Variants in BCL2L11 observed in about 807,000 individuals in gnomAD.
BCL2L11 encodes the protein bcl-2-like protein 11.
BCL2L11 carries 15 observed loss-of-function variants against 20.6 expected under a neutral mutation model. That is an observed-to-expected ratio of 0.73 (90% confidence interval 0.49 to 1.12). BCL2L11 has a LOEUF of 1.12. Among genes scored for constraint, BCL2L11 ranks in the 50% most tolerant of loss-of-function variants. BCL2L11 has a pLI of 0.00. For synonymous variants in BCL2L11, 108 were observed against 92.8 expected (o/e 1.16, Z -0.94); for missense variants, 292 against 260.9 (o/e 1.12, Z -0.82).
chr2:111,163,861 C>CTTTTTTTTTTTTTT (rs10547953), intron 3 of BCL2L11, among the ~76,000 whole-genome samples: 1 of 104,720 alleles, frequency 9.5e-6, no homozygotes, highest in East Asian at 2.9e-4. Context: ...TTTTTGAGTG[C>CTTTTTTTTTTTTTT]TTTTTTTTTT....
At chr2:111,158,122 GGTT>G (rs1212122865) in intron 3 of BCL2L11, among the ~76,000 whole-genome samples, 2 of 152,236 alleles carry the variant, frequency 1.3e-5, no homozygotes, top group Non-Finnish European at 2.9e-5. Context: ...GTTTGACTGT[GGTT>G]GTTGGTCTGA....
intron 2 of BCL2L11, among the ~76,000 whole-genome samples, chr2:111,146,866 G>A (rs2076585084): frequency 6.6e-6 from 1 of 152,028 alleles, no homozygotes; most frequent in Non-Finnish European, 1.5e-5. Flanking sequence ...AGTCTTTATA[G>A]CCATGTACTA....
intron 2 of BCL2L11, among the ~76,000 whole-genome samples, chr2:111,124,600 T>G (rs1216087605): frequency 3.3e-5 from 5 of 152,172 alleles, no homozygotes. Context: ...CACATCAACA[T>G]TTTTACAAAG....
At chr2:111,143,213 T>C (rs1575078757) in intron 2 of BCL2L11, among the ~76,000 whole-genome samples, 1 of 152,142 alleles carries the variant, frequency 6.6e-6, no homozygotes, top group South Asian at 2.1e-4. Flanking sequence ...AGGATGAAGG[T>C]TGGTGTAGAA....
intron 2 of BCL2L11, among the ~76,000 whole-genome samples, chr2:111,133,506 T>C (rs1440269745): frequency 6.6e-6 from 1 of 152,226 alleles, no homozygotes; most frequent in Admixed American, 6.5e-5. Context: ...TTTAGAAGTG[T>C]GTTTTATTTC....
intron 3 of BCL2L11, chr2:111,161,527 T>C: frequency 6.5e-7 from 1 of 1,548,590 alleles, no homozygotes; most frequent in Non-Finnish European, 8.7e-7. Flanking sequence ...GGTCAAGGCA[T>C]GGCTGCTGAT....
intron 3 of BCL2L11, among the ~76,000 whole-genome samples, chr2:111,154,256 T>G (rs74757380): frequency 0.018 from 2,710 of 151,970 alleles, 102 homozygotes; most frequent in African/African-American, 0.062. Context: ...GTAACCACAG[T>G]GTAATTATCA....
intron 2 of BCL2L11, among the ~76,000 whole-genome samples, chr2:111,137,933 A>G (rs1035003485): frequency 6.6e-6 from 1 of 151,728 alleles, no homozygotes; most frequent in Non-Finnish European, 1.5e-5. Flanking sequence ...ATAAGAATAC[A>G]TTAAACTGTC....
At chr2:111,147,619 T>C (rs1368731533) in intron 2 of BCL2L11, among the ~76,000 whole-genome samples, 1 of 152,158 alleles carries the variant, frequency 6.6e-6, no homozygotes, top group African/African-American at 2.4e-5. Context: ...ATTCACTAAG[T>C]GCTAGTTTTG....
rs544895163 is a variant in BCL2L11, at chr2:111,122,884, C to A, written c.-13-849C>A. ...CGGGCCGGACGCCGCGGGGCTTGGT[C>A]CCTGGCCCGGACGCTGCGCTCTGAA... is the stretch of plus-strand genomic sequence containing the variant. On this transcript the variant is annotated intron_variant, in intron 1 of 3. Transcript: ENST00000393256. 224 of 985,440 alleles carry A rather than the reference C, an allele frequency of 2.3e-4. No homozygotes were observed. In the African/African-American group the frequency reaches 3.2e-3, roughly 14 times the overall value. The allele number at this position is 985,440 out of a possible 1,614,324, so 61.0% of individuals were successfully genotyped here.
intron 3 of BCL2L11, chr2:111,161,318 A>G: frequency 7.2e-7 from 1 of 1,384,934 alleles, no homozygotes; most frequent in Non-Finnish European, 1.0e-6. Flanking sequence ...ATTTATTTTA[A>G]TAGTTTTTTA....
intron 2 of BCL2L11, among the ~76,000 whole-genome samples, chr2:111,138,245 G>A (rs968279241): frequency 6.6e-6 from 1 of 152,238 alleles, no homozygotes; most frequent in Non-Finnish European, 1.5e-5. Context: ...CTGACCTGAA[G>A]TGATCCGCCT....
intron 2 of BCL2L11, among the ~76,000 whole-genome samples, chr2:111,135,354 C>G (rs1361001172): frequency 6.6e-6 from 1 of 152,128 alleles, no homozygotes; most frequent in African/African-American, 2.4e-5. Flanking sequence ...ACTTTCCAAA[C>G]AAAAGAGGGG....
At chr2:111,142,264 TG>T (rs1438059874) in intron 2 of BCL2L11, 4 of 1,474,952 alleles carry the variant, frequency 2.7e-6, no homozygotes, top group Non-Finnish European at 3.7e-6. Context: ...GTTATCTGTC[TG>T]GGAAGACATG....
At chr2:111,162,025 G>A (rs915460401) in intron 3 of BCL2L11, among the ~76,000 whole-genome samples, 2 of 152,094 alleles carry the variant, frequency 1.3e-5, no homozygotes, top group African/African-American at 2.4e-5. Context: ...ACCAGGCCCC[G>A]ACTATAAGCC....
chr2:111,149,966 CTAGAGACT>C, intron 2 of BCL2L11, 70 bp from the exon 3 acceptor site: 1 of 1,304,180 alleles, frequency 7.7e-7, no homozygotes, highest in Non-Finnish European at 1.1e-6. Context: ...GGGCTTGCCT[CTAGAGACT>C]TATCTTTGGA....
chr2:111,142,099 T>A (rs1178241622), intron 2 of BCL2L11, among the ~76,000 whole-genome samples: 1 of 152,160 alleles, frequency 6.6e-6, no homozygotes, highest in East Asian at 1.9e-4. Flanking sequence ...AGTGGGGGCA[T>A]CAGGGAGGAG....
intron 3 of BCL2L11, chr2:111,161,334 C>G: frequency 4.1e-6 from 6 of 1,475,300 alleles, no homozygotes; most frequent in Non-Finnish European, 5.5e-6. Context: ...TTTTAAAAAA[C>G]GCTTGTAATC....
At chr2:111,139,743 G>A (rs1575045017) in intron 2 of BCL2L11, among the ~76,000 whole-genome samples, 1 of 152,338 alleles carries the variant, frequency 6.6e-6, no homozygotes, top group African/African-American at 2.4e-5. Context: ...GGCCTTCGTG[G>A]TTTTAAGTAT....
Sources: allele counts gnomAD v4.1 joint callset (sites outside exome capture counted in the v4.1 genomes callset), GRCh38; gene constraint gnomAD v4.1.1; transcripts MANE v1.5; gene names NCBI Gene and HGNC (gene_info 2026-07-23, HGNC 2026-07-21).